The following STUM variants were observed in gnomAD, a reference collection of about 807,000 sequenced individuals.
STUM encodes stum, mechanosensory transduction mediator homolog.
Under a neutral mutation model 15.3 loss-of-function variants are expected in STUM, and 8 were observed. That is an observed-to-expected ratio of 0.52 (90% CI 0.31 to 0.94). The LOEUF is 0.94. Among genes scored for constraint, STUM ranks in the 40% least tolerant of loss-of-function variants. The pLI is 0.05. For synonymous variants in STUM, 78 were observed against 88.7 expected (o/e 0.88, Z 0.68); for missense variants, 142 against 204.9 (o/e 0.69, Z 1.87).
intron 1 of STUM, among the ~76,000 whole-genome samples, chr1:226,594,763 T>A (rs1175462320): frequency 6.6e-6 from 1 of 152,232 alleles, no homozygotes; most frequent in Non-Finnish European, 1.5e-5. Context: ...CAAGCGATTT[T>A]CCTGCCTCAG....
rs1333361160 is a variant in STUM at position 226,565,127 on chromosome 1, A to T, written c.202+16021A>T. Among the ~76,000 whole-genome samples, 2 of 152,024 alleles carry T rather than the reference A, an allele frequency of 1.3e-5. No individual in the cohort carries two copies. Among genetic ancestry groups the T allele is most frequent in the Non-Finnish European group, 2.9e-5 (2 of 67,994 alleles). On this transcript the variant is annotated intron_variant, in intron 1 of 3. Coordinates refer to ENST00000366788, the MANE Select transcript of STUM (RefSeq NM_001003665.4). The surrounding 1 kb of genome is among the most constrained non-coding windows in gnomAD (Gnocchi z 4.4). Reference sequence around the variant, plus strand: ...GGAGAGTTTGGGGTATTGGTTTCCCATTCCCTCCAACTTCCTGTCTATGAC... The same window carrying T: ...GGAGAGTTTGGGGTATTGGTTTCCCTTTCCCTCCAACTTCCTGTCTATGAC...
chr1:226,591,231 T>C (rs1668080537), intron 1 of STUM, among the ~76,000 whole-genome samples: 1 of 152,240 alleles, frequency 6.6e-6, no homozygotes, highest in South Asian at 2.1e-4. Context: ...ATGTGGTACC[T>C]TATACGGCAA....
intron 1 of STUM, among the ~76,000 whole-genome samples, chr1:226,573,908 C>T (rs1667762575): frequency 6.6e-6 from 1 of 151,250 alleles, no homozygotes. Flanking sequence ...GATCTCAGCT[C>T]ACTGCAACCT....
At chr1:226,570,460 A>C (rs183594033) in intron 1 of STUM, among the ~76,000 whole-genome samples, 1 of 152,368 alleles carries the variant, frequency 6.6e-6, no homozygotes, top group Admixed American at 6.5e-5. Flanking sequence ...GAAGCTAAGC[A>C]CAGTTCCTCC....
chr1:226,594,613 G>A (rs73098838), intron 1 of STUM, among the ~76,000 whole-genome samples: 14,938 of 152,222 alleles, frequency 0.098, 1,226 homozygotes, highest in African/African-American at 0.22. Flanking sequence ...TTATTAGTCA[G>A]GGTTCTCTAG....
intron 1 of STUM, among the ~76,000 whole-genome samples, chr1:226,577,689 G>A (rs982998535): frequency 1.3e-5 from 2 of 152,146 alleles, no homozygotes; most frequent in Non-Finnish European, 2.9e-5. Context: ...TGAAAGGGAG[G>A]GGGGGCCAGC....
intron 1 of STUM, among the ~76,000 whole-genome samples, chr1:226,576,384 T>C (rs1276772191): frequency 6.6e-6 from 1 of 152,110 alleles, no homozygotes; most frequent in South Asian, 2.1e-4. Flanking sequence ...GAAAAAGAAA[T>C]TCCCCCCATT....
At chr1:226,597,046 G>T in intron 2 of STUM, 65 bp downstream of exon 2, 1 of 1,475,408 alleles carries the variant, frequency 6.8e-7, no homozygotes. Flanking sequence ...AAGGGCTTGG[G>T]AGACCTTCAT....
intron 1 of STUM, among the ~76,000 whole-genome samples, chr1:226,577,424 C>G (rs946977506): frequency 2.6e-5 from 4 of 152,118 alleles, no homozygotes; most frequent in Admixed American, 2.0e-4. Context: ...AATGAAGCCT[C>G]GGGAAGTCTC....
At chr1:226,558,279 T>C (rs974230417) in intron 1 of STUM, among the ~76,000 whole-genome samples, 8 of 152,216 alleles carry the variant, frequency 5.3e-5, no homozygotes, top group Admixed American at 2.6e-4. Flanking sequence ...TATAATACAA[T>C]TAAGTTGTGC....
chr1:226,553,628 G>A (rs1558276432), intron 1 of STUM, among the ~76,000 whole-genome samples: 1 of 152,216 alleles, frequency 6.6e-6, no homozygotes. Flanking sequence ...GAAAGGGATA[G>A]CCTAAATATG....
Position 226,549,247 on chromosome 1 carries a change from C to G in STUM, c.202+141C>G. 1.4e-6 allele frequency: 1 copy of G among 697,854 alleles called. No individual in the cohort carries two copies. Among genetic ancestry groups the G allele is most frequent in the Non-Finnish European group, 2.3e-6 (1 of 442,580 alleles). The allele number at this position is 697,854 out of a possible 1,614,324, so 43.2% of individuals were successfully genotyped here. Reference sequence around the variant, plus strand: ...ACCACGCGCCACCGCCCGCTCCTGGCGTCCCCGGGCAGGTGGCAGAAGCGC... The same window carrying G: ...ACCACGCGCCACCGCCCGCTCCTGGGGTCCCCGGGCAGGTGGCAGAAGCGC... On this transcript the variant is annotated intron_variant, in intron 1 of 3. Coordinates refer to ENST00000366788, the MANE Select transcript of STUM (RefSeq NM_001003665.4). This position sits in a 1 kb window ranked among gnomAD's most constrained non-coding sequence, Gnocchi z 6.8.
intron 1 of STUM, among the ~76,000 whole-genome samples, chr1:226,555,220 C>G (rs541770974): frequency 3.4e-4 from 52 of 152,338 alleles, no homozygotes; most frequent in African/African-American, 7.7e-4. Context: ...TGTATTCACA[C>G]CCGCAGTGAT....
chr1:226,600,692 C>T lies in STUM; in HGVS notation c.391+18C>T, dbSNP rs201670052. On this transcript the variant is annotated intron_variant, in intron 3 of 3. Coordinates refer to ENST00000366788, the MANE Select transcript of STUM (RefSeq NM_001003665.4). The surrounding 1 kb of genome is among the most constrained non-coding windows in gnomAD (Gnocchi z 5.2). ...TTCCCAAGGTGAGTCTGCGGATGGA[C>T]GTGCGGGCCTCGTGCTGCTGCTTGG... is the stretch of plus-strand genomic sequence containing the variant. The T allele has an allele frequency of 7.0e-5, 113 of 1,610,272 alleles. No individual in the cohort carries two copies. In the African/African-American group the frequency reaches 1.0e-3, roughly 15 times the overall value.
intron 1 of STUM, among the ~76,000 whole-genome samples, chr1:226,592,683 T>C (rs1668109984): frequency 6.6e-6 from 1 of 152,260 alleles, no homozygotes; most frequent in African/African-American, 2.4e-5. Context: ...CAGCGTTCTC[T>C]TTTGTAATAG....
intron 1 of STUM, among the ~76,000 whole-genome samples, chr1:226,563,499 A>G (rs2102690065): frequency 6.6e-6 from 1 of 152,384 alleles, no homozygotes; most frequent in Admixed American, 6.5e-5. Context: ...TAACTCAGTT[A>G]AAGTGAGTTC....
At chr1:226,568,690 T>C (rs984886714) in intron 1 of STUM, among the ~76,000 whole-genome samples, 2 of 152,232 alleles carry the variant, frequency 1.3e-5, no homozygotes, top group African/African-American at 4.8e-5. Context: ...CTGTCCCAGC[T>C]GTGGGGAGGA....
At chr1:226,550,397 G>A (rs1029618445) in intron 1 of STUM, among the ~76,000 whole-genome samples, 1 of 152,068 alleles carries the variant, frequency 6.6e-6, no homozygotes. Flanking sequence ...CTCTCTTCTG[G>A]GGTGCCTCCA....
Position 226,579,614 on chromosome 1 carries a change from G to A in STUM, c.203-17188G>A, listed in dbSNP as rs185527889. 2.8e-3 allele frequency among the ~76,000 whole-genome samples: 418 copies of A among 150,884 alleles called. 3 individuals are homozygous for A. The highest frequency in any genetic ancestry group is 9.5e-3 in the African/African-American group (390 of 40,950). ...AGTGGGGATCAGGGAGACCAACTTG[G>A]GAAGGCCTTATTTCTTTTTCTTTTT... On this transcript the variant is annotated intron_variant, in intron 1 of 3. Transcript: ENST00000366788.
Sources: allele counts gnomAD v4.1 joint callset (sites outside exome capture counted in the v4.1 genomes callset), GRCh38; gene constraint gnomAD v4.1.1; non-coding constraint Gnocchi (gnomAD v3.1); transcripts MANE v1.5; gene names NCBI Gene and HGNC (gene_info 2026-07-23, HGNC 2026-07-21).